The following EHD3 variants were observed in gnomAD, a reference collection of about 807,000 sequenced individuals.
The protein encoded by EHD3 is EH domain containing 3, also known as EH domain-containing protein 3.
In EHD3, 17 loss-of-function variants were observed where a neutral mutation model predicts 43.0. The observed-to-expected ratio is 0.40, with a 90% confidence interval of 0.27 to 0.59. EHD3 has a LOEUF of 0.59. EHD3 is among the 20% of genes least tolerant of loss of function. The pLI, the probability that EHD3 is intolerant of heterozygous loss-of-function variation, is 0.49. For synonymous variants in EHD3, 313 were observed against 289.5 expected, an observed-to-expected ratio of 1.08 and a Z score of -0.82; for missense variants, 594 against 705.6, an observed-to-expected ratio of 0.84 and a Z score of 1.79.
At position 31,258,514 on chromosome 2, in the gene EHD3, C is replaced by G. The variant is rs568588456; in HGVS notation, c.503-1996C>G. ...CAGCCTTTGAAAGTGAAAGCCAACTCGGTGCAGTGGTTCATAGCACTGACT... is the reference window on the plus strand; with the variant it reads ...CAGCCTTTGAAAGTGAAAGCCAACTGGGTGCAGTGGTTCATAGCACTGACT... On this transcript the variant is annotated intron_variant, in intron 3 of 5. Transcript: ENST00000322054. 3.9e-5 allele frequency among the ~76,000 whole-genome samples: 6 copies of G among 152,290 alleles called. No homozygotes were observed. In the East Asian group the frequency reaches 1.2e-3, roughly 29 times the overall value.
rs751881631 is a variant in EHD3, at chr2:31,260,005, C to G, written c.503-505C>G. 5.3e-5 allele frequency among the ~76,000 whole-genome samples: 8 copies of G among 152,166 alleles called. No homozygotes were observed. The highest frequency in any genetic ancestry group is 8.8e-5 in the Non-Finnish European group (6 of 68,036). On this transcript the variant is annotated intron_variant, in intron 3 of 5. Coordinates refer to ENST00000322054, the MANE Select transcript of EHD3 (RefSeq NM_014600.3). This position sits in a 1 kb window ranked among gnomAD's most constrained non-coding sequence, Gnocchi z 4.6. ...CACCTGAGGTCAGGAGTTCAAGACTCAGCCTGGCTAACATGGTTAAACCTG... is the reference window on the plus strand; with the variant it reads ...CACCTGAGGTCAGGAGTTCAAGACTGAGCCTGGCTAACATGGTTAAACCTG...
intron 5 of EHD3, among the ~76,000 whole-genome samples, chr2:31,264,697 A>AT (rs759592433): frequency 6.6e-6 from 1 of 151,016 alleles, no homozygotes; most frequent in African/African-American, 2.4e-5. Context: ...GCCCAGCTAA[A>AT]TTTTTTTTGT....
intron 3 of EHD3, 27 bp downstream of exon 3, chr2:31,249,495 G>A: frequency 6.2e-7 from 1 of 1,606,312 alleles, no homozygotes; most frequent in Non-Finnish European, 8.5e-7. Flanking sequence ...AGGGGTGTTG[G>A]CTGTGGGCTC....
intron 3 of EHD3, among the ~76,000 whole-genome samples, chr2:31,254,675 C>T (rs1042248120): frequency 7.9e-5 from 12 of 152,090 alleles, no homozygotes; most frequent in African/African-American, 2.9e-4. Context: ...CAAGTAAGTG[C>T]CTGGTTTGAG....
At chr2:31,254,527 G>C (rs1558650380) in intron 3 of EHD3, among the ~76,000 whole-genome samples, 1 of 152,248 alleles carries the variant, frequency 6.6e-6, no homozygotes, top group African/African-American at 2.4e-5. Context: ...ATCTAATGTG[G>C]CATTTCTTCC....
chr2:31,266,497 C>G lies in EHD3; in HGVS notation c.1401C>G (p.Ala467=). The change falls in exon 6 of 6, where the codon GCC becomes GCG. Residue 467 remains alanine (A), a synonymous_variant. Transcript: ENST00000322054. The surrounding 1 kb of genome is among the most constrained non-coding windows in gnomAD (Gnocchi z 5.1). ...ATGGCAAGATCACAGGCGCTAATGC[C>G]AAGAAGGAGATGGTGCGCTCCAAGC... is the stretch of plus-strand genomic sequence containing the variant. The part of the protein sequence containing the change: ...PVDGKITGAN[A]KKEMVRSKLP... 1 of 1,614,114 alleles carries G rather than the reference C, an allele frequency of 6.2e-7. No homozygotes were observed.
chr2:31,238,548 C>T (rs576297327), intron 1 of EHD3, among the ~76,000 whole-genome samples: 22 of 152,230 alleles, frequency 1.4e-4, no homozygotes, highest in Non-Finnish European at 2.4e-4. Flanking sequence ...ATTGGCTTGG[C>T]GGCTGCCCTC....
At chr2:31,263,509 A>C (rs912358505) in intron 5 of EHD3, among the ~76,000 whole-genome samples, 1 of 152,130 alleles carries the variant, frequency 6.6e-6, no homozygotes, top group Non-Finnish European at 1.5e-5. Context: ...GGACCCCTGC[A>C]TGGGAGCCCA....
chr2:31,259,235 T>C (rs1683804351), intron 3 of EHD3, among the ~76,000 whole-genome samples: 1 of 152,154 alleles, frequency 6.6e-6, no homozygotes, highest in African/African-American at 2.4e-5. Flanking sequence ...AGAACCCTGC[T>C]CAGACTCAGA....
chr2:31,252,698 G>T (rs1200179334), intron 3 of EHD3, among the ~76,000 whole-genome samples: 1 of 152,084 alleles, frequency 6.6e-6, no homozygotes, highest in Non-Finnish European at 1.5e-5. Context: ...CTTTGTCTTT[G>T]GACCCCAGTG....
intron 3 of EHD3, among the ~76,000 whole-genome samples, chr2:31,253,987 A>G (rs1683689966): frequency 6.6e-6 from 1 of 152,150 alleles, no homozygotes; most frequent in Admixed American, 6.5e-5. Context: ...CTTCCCAGCT[A>G]GAAATCCCCA....
At position 31,234,291 on chromosome 2, in the gene EHD3, GACCCCGGC is replaced by G; in HGVS notation, c.-330_-323del. 2.5e-5 allele frequency: 1 copy of G among 40,720 alleles called. No homozygotes were observed. Among genetic ancestry groups the G allele is most frequent in the South Asian group, 7.6e-4 (1 of 1,322 alleles). 2.5% of individuals were successfully genotyped at this position (40,720 alleles called of 1,614,324 possible). Reference sequence around the variant, plus strand: ...AGGCGAGGGCTGGGGGCCGATCGGGGACCCCGGCTTGGGACCCCGGCATCTGGCAGTTT... The same window carrying G: ...AGGCGAGGGCTGGGGGCCGATCGGGGTTGGGACCCCGGCATCTGGCAGTTT... On this transcript the variant is annotated 5_prime_UTR_variant, in exon 1 of 6. Coordinates refer to ENST00000322054, the MANE Select transcript of EHD3 (RefSeq NM_014600.3).
intron 2 of EHD3, among the ~76,000 whole-genome samples, chr2:31,245,740 T>G (rs1246963250): frequency 1.8e-4 from 26 of 141,446 alleles, no homozygotes; most frequent in Non-Finnish European, 3.8e-4. Context: ...TTTGTGTTTT[T>G]TTTTTTTTTT....
At chr2:31,263,849 A>T (rs780495887) in intron 5 of EHD3, among the ~76,000 whole-genome samples, 1 of 152,172 alleles carries the variant, frequency 6.6e-6, no homozygotes, top group East Asian at 1.9e-4. Flanking sequence ...CTGTCACCCT[A>T]TCACCCTCTA....
intron 1 of EHD3, among the ~76,000 whole-genome samples, chr2:31,236,549 C>A (rs1170318113): frequency 6.6e-6 from 1 of 152,226 alleles, no homozygotes; most frequent in African/African-American, 2.4e-5. Flanking sequence ...TGCAGAGTTT[C>A]CTTTGTGAGC....
chr2:31,245,553 A>ATATATATATAT (rs1446415610), intron 2 of EHD3, among the ~76,000 whole-genome samples: 27 of 35,070 alleles, frequency 7.7e-4, no homozygotes, highest in African/African-American at 2.4e-3. Context: ...ATATATATAT[A>ATATATATATAT]TTTTTTTTTT....
At chr2:31,236,977 C>T (rs1033845556) in intron 1 of EHD3, among the ~76,000 whole-genome samples, 3 of 152,230 alleles carry the variant, frequency 2.0e-5, no homozygotes, top group South Asian at 2.1e-4. Context: ...ACAGTAAGAC[C>T]GGGAGAGGCA....
chr2:31,261,856 A>G, intron 5 of EHD3, 143 bp downstream of exon 5: 1 of 1,026,980 alleles, frequency 9.7e-7, no homozygotes, highest in Non-Finnish European at 1.4e-6. Flanking sequence ...CCCTGGATCT[A>G]CACTCCTAGC....
rs557869079 is a variant in EHD3, at chr2:31,252,935, G to A, written c.502+3467G>A. Among the ~76,000 whole-genome samples, 10 of 152,296 alleles carry A rather than the reference G, an allele frequency of 6.6e-5. No individual in the cohort carries two copies. In the East Asian group the frequency reaches 1.2e-3, roughly 18 times the overall value. ...CAAGAGCTAGAACTGGGCTGCTGGC[G>A]CCTGGGGCGGTGCTGACCTCAGCAC... On this transcript the variant is annotated intron_variant, in intron 3 of 5. Coordinates refer to ENST00000322054, the MANE Select transcript of EHD3 (RefSeq NM_014600.3).
Sources: allele counts gnomAD v4.1 joint callset (sites outside exome capture counted in the v4.1 genomes callset), GRCh38; gene constraint gnomAD v4.1.1; non-coding constraint Gnocchi (gnomAD v3.1); transcripts MANE v1.5; gene names NCBI Gene and HGNC (gene_info 2026-07-23, HGNC 2026-07-21).